The following ITGBL1 variants were observed in gnomAD, a reference collection of about 807,000 sequenced individuals.
ITGBL1 encodes integrin subunit beta like 1.
In ITGBL1, 51 loss-of-function variants were observed where a neutral mutation model predicts 68.5. The observed-to-expected ratio is 0.74, with a 90% CI of 0.59 to 0.94. The LOEUF (loss-of-function observed/expected upper bound fraction) is 0.94. Among genes scored for constraint, ITGBL1 ranks in the 40% least tolerant of loss-of-function variants. ITGBL1 has a pLI of 0.00. For synonymous variants in ITGBL1, 209 were observed against 227.3 expected (o/e 0.92, Z 0.72); for missense variants, 649 against 647.4 (o/e 1.00, Z -0.03).
At chr13:101,587,172 C>G (rs913526817) in intron 6 of ITGBL1, among the ~76,000 whole-genome samples, 1 of 152,158 alleles carries the variant, frequency 6.6e-6, no homozygotes, top group Non-Finnish European at 1.5e-5. Context: ...TTTCCATTCT[C>G]TCCATTTATC....
chr13:101,624,161 C>T (rs1414527200), intron 7 of ITGBL1, among the ~76,000 whole-genome samples: 1 of 152,164 alleles, frequency 6.6e-6, no homozygotes, highest in African/African-American at 2.4e-5. Context: ...CTACTGCTTT[C>T]TCTGGGCAAA....
intron 2 of ITGBL1, among the ~76,000 whole-genome samples, chr13:101,542,555 G>A (rs967943177): frequency 2.0e-5 from 3 of 152,170 alleles, no homozygotes; most frequent in African/African-American, 7.2e-5. Flanking sequence ...GGAGAGTTCT[G>A]TAGATGTCTA....
intron 7 of ITGBL1, among the ~76,000 whole-genome samples, chr13:101,673,549 G>A (rs369758695): frequency 6.6e-6 from 1 of 152,194 alleles, no homozygotes; most frequent in African/African-American, 2.4e-5. Context: ...AGGCCACATA[G>A]TTACAACAGG....
chr13:101,566,919 A>C (rs552485298), intron 2 of ITGBL1, among the ~76,000 whole-genome samples: 1 of 152,286 alleles, frequency 6.6e-6, no homozygotes, highest in African/African-American at 2.4e-5. Flanking sequence ...GCTGACAATC[A>C]CATCAGCTTC....
intron 7 of ITGBL1, among the ~76,000 whole-genome samples, chr13:101,650,798 C>T (rs2032725315): frequency 6.6e-6 from 1 of 152,022 alleles, no homozygotes; most frequent in Non-Finnish European, 1.5e-5. Context: ...TCCCATGTCC[C>T]CCTTTTGACA....
intron 9 of ITGBL1, chr13:101,712,942 A>G (rs1283956781): frequency 1.3e-5 from 2 of 152,202 alleles, no homozygotes; most frequent in African/African-American, 2.4e-5. Flanking sequence ...CTGTCAGTCA[A>G]TTATTAAAAC....
chr13:101,541,733 G>T (rs937946169), intron 2 of ITGBL1, among the ~76,000 whole-genome samples: 2 of 152,046 alleles, frequency 1.3e-5, no homozygotes, highest in Admixed American at 6.6e-5. Flanking sequence ...CAATTTCAGA[G>T]CCTATTATTG....
chr13:101,531,088 C>T (rs1015327438), intron 2 of ITGBL1, among the ~76,000 whole-genome samples: 1 of 151,824 alleles, frequency 6.6e-6, no homozygotes, highest in Non-Finnish European at 1.5e-5. Flanking sequence ...ACAGGATAAA[C>T]TTTCAATAAT....
At chr13:101,585,029 C>T (rs186612375) in intron 6 of ITGBL1, among the ~76,000 whole-genome samples, 2 of 152,032 alleles carry the variant, frequency 1.3e-5, no homozygotes, top group African/African-American at 2.4e-5. Context: ...TTTGAAATTA[C>T]CAGAATGCAG....
intron 7 of ITGBL1, among the ~76,000 whole-genome samples, chr13:101,628,488 A>G (rs2031864483): frequency 6.7e-6 from 1 of 149,392 alleles, no homozygotes; most frequent in Non-Finnish European, 1.5e-5. Context: ...GCTGGAGTGC[A>G]GTGGCATGAT....
At chr13:101,677,396 G>A (rs970782695) in intron 7 of ITGBL1, among the ~76,000 whole-genome samples, 4 of 152,074 alleles carry the variant, frequency 2.6e-5, no homozygotes, top group African/African-American at 7.2e-5. Context: ...TATCACAGTG[G>A]TACCCAGAAA....
At chr13:101,492,240 C>T (rs1342147715) in intron 2 of ITGBL1, among the ~76,000 whole-genome samples, 5 of 152,250 alleles carry the variant, frequency 3.3e-5, no homozygotes, top group Admixed American at 6.5e-5. Flanking sequence ...TATAGTGCAT[C>T]GCTTTCTTAC....
chr13:101,663,908 AAG>A (rs1249874264), intron 7 of ITGBL1, among the ~76,000 whole-genome samples: 2 of 152,274 alleles, frequency 1.3e-5, no homozygotes, highest in South Asian at 2.1e-4. Flanking sequence ...GCCTAAGGGA[AAG>A]AGAGAGAGGA....
intron 6 of ITGBL1, 53 bp from the exon 7 acceptor site, chr13:101,598,100 C>A: frequency 6.7e-7 from 1 of 1,496,864 alleles, no homozygotes; most frequent in Non-Finnish European, 9.1e-7. Flanking sequence ...AAACTAATTC[C>A]AACTTCATTA....
At chr13:101,718,795 A>C (rs895361966), downstream of ITGBL1, 4 of 151,626 alleles carry the variant, frequency 2.6e-5, no homozygotes, top group Admixed American at 6.6e-5. Context: ...AAAAAAAAAA[A>C]CTAAAATATA....
At chr13:101,673,043 C>T (rs1306733140) in intron 7 of ITGBL1, among the ~76,000 whole-genome samples, 1 of 152,224 alleles carries the variant, frequency 6.6e-6, no homozygotes, top group Admixed American at 6.5e-5. Context: ...GTTCACCAAA[C>T]TGTCGAATGC....
At chr13:101,683,640 A>G (rs975347171) in intron 7 of ITGBL1, among the ~76,000 whole-genome samples, 6 of 151,978 alleles carry the variant, frequency 3.9e-5, no homozygotes, top group Non-Finnish European at 8.8e-5. Context: ...TTCACTAGAT[A>G]ATGCCAAACG....
At chr13:101,654,741 G>A (rs982421005) in intron 7 of ITGBL1, among the ~76,000 whole-genome samples, 1 of 152,130 alleles carries the variant, frequency 6.6e-6, no homozygotes, top group African/African-American at 2.4e-5. Flanking sequence ...TAGATGTCAT[G>A]TCTTCAGAAT....
chr13:101,614,848 A>T (rs1043646341), intron 7 of ITGBL1, among the ~76,000 whole-genome samples: 1 of 152,124 alleles, frequency 6.6e-6, no homozygotes, highest in Non-Finnish European at 1.5e-5. Flanking sequence ...CTTCATTTGC[A>T]TAGTGCTTCT....
Sources: gnomAD v4.1 joint callset for allele counts (sites outside exome capture counted in the v4.1 genomes callset) on GRCh38, gnomAD v4.1.1 for gene constraint, MANE v1.5 for transcripts, NCBI Gene and HGNC (gene_info 2026-07-23, HGNC 2026-07-21) for gene names.